Variants in POLN observed in about 807,000 individuals in gnomAD.
POLN encodes the protein DNA polymerase N.
Under a neutral mutation model 113.5 loss-of-function variants are expected in POLN, and 108 were observed. The observed-to-expected ratio is 0.95, with a 90% CI of 0.81 to 1.12. The LOEUF is 1.12. Among genes scored for constraint, POLN ranks in the 50% most tolerant of loss-of-function variants. POLN has a pLI of 0.00. For missense variants in POLN, 1,097 were observed against 1,077.1 expected, an observed-to-expected ratio of 1.02 and a Z score of -0.26; for synonymous variants, 386 against 391.5, an observed-to-expected ratio of 0.99 and a Z score of 0.17.
chr4:2,211,295 T>C (rs905544168), intron 4 of POLN, among the ~76,000 whole-genome samples: 48 of 143,878 alleles, frequency 3.3e-4, no homozygotes, highest in African/African-American at 1.2e-3. Context: ...ATAATAATAA[T>C]AATAAGAGGA....
At chr4:2,216,582 C>T (rs761819666) in intron 3 of POLN, among the ~76,000 whole-genome samples, 78 of 152,234 alleles carry the variant, frequency 5.1e-4, no homozygotes, top group Non-Finnish European at 1.0e-3. Context: ...GTCCTACTCT[C>T]ATGTGCCCAC....
intron 19 of POLN, among the ~76,000 whole-genome samples, chr4:2,118,204 A>G (rs879330711): frequency 1.1e-4 from 16 of 152,110 alleles, no homozygotes; most frequent in South Asian, 2.1e-4. Flanking sequence ...ATGTTGCCCA[A>G]CTGTAAGGAT....
At chr4:2,200,468 C>A (rs575190059) in intron 5 of POLN, among the ~76,000 whole-genome samples, 11 of 152,328 alleles carry the variant, frequency 7.2e-5, no homozygotes, top group Admixed American at 3.3e-4. Context: ...ATTGCTCCTG[C>A]TCCCAGGAGA....
At chr4:2,191,345 G>C (rs1174565383) in intron 7 of POLN, among the ~76,000 whole-genome samples, 1 of 152,126 alleles carries the variant, frequency 6.6e-6, no homozygotes, top group Non-Finnish European at 1.5e-5. Context: ...TAAGGGGGCG[G>C]TGGGTGGGAT....
chr4:2,116,616 CAGAG>C (rs2108715702), intron 19 of POLN, among the ~76,000 whole-genome samples: 1 of 151,358 alleles, frequency 6.6e-6, no homozygotes, highest in African/African-American at 2.4e-5. Context: ...GGTGTGCATA[CAGAG>C]AAAGATGTAG....
rs775767512 is a variant in POLN at position 2,213,024 on chromosome 4, TACTC to T, written c.213+19_213+22del. Reference sequence around the variant, plus strand: ...AACAAATAAGTTATCTATTTAAAATTACTCATATGTGCAATGATTTACCTTTTTT... The same window carrying T: ...AACAAATAAGTTATCTATTTAAAATTATATGTGCAATGATTTACCTTTTTT... On this transcript the variant is annotated intron_variant, in intron 4 of 25. Transcript: ENST00000511885. 2.6e-6 allele frequency: 4 copies of T among 1,526,108 alleles called. No individual in the cohort carries two copies. In the African/African-American group the frequency reaches 5.5e-5, roughly 21 times the overall value. 94.5% of individuals were successfully genotyped at this position (1,526,108 alleles called of 1,614,324 possible). A position where few individuals can be genotyped will look rare whatever the true frequency, so the allele number is the denominator to read the frequency against.
At chr4:2,216,063 C>T (rs1157421072) in intron 3 of POLN, among the ~76,000 whole-genome samples, 2 of 152,192 alleles carry the variant, frequency 1.3e-5, no homozygotes, top group African/African-American at 4.8e-5. Context: ...AATCACATCA[C>T]CTGGGTGCTT....
chr4:2,179,422 A>G lies in POLN; in HGVS notation c.1065T>C (p.Leu355=). The G allele has an allele frequency of 6.2e-7, 1 of 1,613,936 alleles. No homozygotes were observed. The highest frequency in any genetic ancestry group is 8.5e-7 in the Non-Finnish European group (1 of 1,179,796). ...IGLDPRIAAW[L]IDPSDATPSF... ...AGGGTGTGGCATCACTAGGATCTAT[A>G]AGCCATGCAGCAATTCTGGGATCTA... Residue 355 remains leucine, a synonymous_variant, in exon 8 of 26, where the codon CTT becomes CTC. Transcript: ENST00000511885.
rs1391161624 is a variant in POLN, at chr4:2,193,256, A to T, written c.969T>A (p.Asp323Glu). 6.2e-7 allele frequency: 1 copy of T among 1,611,076 alleles called. No homozygotes were observed. Among genetic ancestry groups the T allele is most frequent in the Non-Finnish European group, 8.5e-7 (1 of 1,178,776 alleles). ...KCPVICFNAK[D>E]FVRIVLQFFG... The stretch of plus-strand genomic sequence containing the variant: ...AAAACTGCAGCACTATTCTCACAAA[A>T]TCCTTAGCATTAAAACAAATAACAG... Residue 323 changes from aspartate (D) to glutamate (E), a missense_variant, in exon 7 of 26, where the codon GAT becomes GAA. Transcript: ENST00000511885.
rs773533298 is a variant in POLN at position 2,240,933 on chromosome 4, T to A, written c.-13+587A>T. 1.6e-5 allele frequency: 26 copies of A among 1,596,082 alleles called. No homozygotes were observed. The African/African-American group carries it at 2.7e-4, about 17-fold the overall frequency. ...TTTTTTTAATGTTTCCACAAACTCA[T>A]TTCCACAACTCATGGTTTTAACTAC... On this transcript the variant is annotated intron_variant, in intron 2 of 25. Transcript: ENST00000511885.
At chr4:2,181,172 T>C (rs1733130945) in intron 7 of POLN, among the ~76,000 whole-genome samples, 1 of 152,042 alleles carries the variant, frequency 6.6e-6, no homozygotes, top group Admixed American at 6.6e-5. Context: ...TGAGATGGAG[T>C]CTTGCTCTGT....
In POLN at chr4:2,091,761, C is replaced by CTGTGTGTGTG. The variant is rs765518897; in HGVS notation, c.2065+4080_2065+4089dup. 2.5e-3 allele frequency among the ~76,000 whole-genome samples: 367 copies of CTGTGTGTGTG among 145,196 alleles called. 1 individual carries two copies. The highest frequency in any genetic ancestry group is 2.7e-3 in the South Asian group (12 of 4,376). On this transcript the variant is annotated intron_variant, in intron 20 of 25. Transcript: ENST00000511885. ...CCCTATCCGGTGGGTACACGTGAATCTGTGTGTGTGTGTGTGTGTGTGTGT... is the reference window on the plus strand; with the variant it reads ...CCCTATCCGGTGGGTACACGTGAATCTGTGTGTGTGTGTGTGTGTGTGTGTGTGTGTGTGT...
intron 5 of POLN, among the ~76,000 whole-genome samples, chr4:2,203,998 A>T (rs564348766): frequency 6.6e-6 from 1 of 151,018 alleles, no homozygotes; most frequent in Admixed American, 6.6e-5. Context: ...AATCCCAGCT[A>T]CTGGGGAGGC....
intron 7 of POLN, among the ~76,000 whole-genome samples, chr4:2,189,229 G>C (rs949587136): frequency 6.8e-6 from 1 of 147,752 alleles, no homozygotes; most frequent in East Asian, 2.0e-4. Flanking sequence ...ACATAGAATA[G>C]CTGAATGGAT....
At chr4:2,119,876 T>C (rs1468552676) in intron 19 of POLN, among the ~76,000 whole-genome samples, 1 of 152,152 alleles carries the variant, frequency 6.6e-6, no homozygotes, top group Admixed American at 6.5e-5. Context: ...ATGCAAATAC[T>C]AAAAGCTTCT....
At chr4:2,238,445 G>GA (rs35945583) in intron 2 of POLN, among the ~76,000 whole-genome samples, 1,390 of 137,512 alleles carry the variant, frequency 0.01, 13 homozygotes, top group Non-Finnish European at 0.017. Context: ...AACTAAAAAT[G>GA]AAAAAAAAAA....
intron 16 of POLN, among the ~76,000 whole-genome samples, chr4:2,147,816 A>T (rs1732186704): frequency 6.6e-6 from 1 of 151,434 alleles, no homozygotes; most frequent in Non-Finnish European, 1.5e-5. Flanking sequence ...CTAATTTTTG[A>T]ATTTTTAGTA....
intron 19 of POLN, among the ~76,000 whole-genome samples, chr4:2,123,105 G>C (rs1731488646): frequency 6.6e-6 from 1 of 151,972 alleles, no homozygotes; most frequent in African/African-American, 2.4e-5. Context: ...AGGCTGCAGT[G>C]AGCTGTGAGT....
intron 3 of POLN, among the ~76,000 whole-genome samples, chr4:2,223,927 T>C (rs921833785): frequency 3.9e-5 from 6 of 152,218 alleles, no homozygotes; most frequent in African/African-American, 9.6e-5. Flanking sequence ...ACAAACACTA[T>C]ACACTTAGGA....
Sources: gnomAD v4.1 joint callset for allele counts (sites outside exome capture counted in the v4.1 genomes callset) on GRCh38, gnomAD v4.1.1 for gene constraint, MANE v1.5 for transcripts, NCBI Gene and HGNC (gene_info 2026-07-23, HGNC 2026-07-21) for gene names.